The following TLL1 variants were observed in gnomAD, a reference collection of about 807,000 sequenced individuals.
TLL1 encodes tolloid-like protein 1.
A neutral mutation model predicts 128.2 loss-of-function variants in TLL1; 49 were observed. The observed-to-expected ratio is 0.38, with a 90% CI of 0.30 to 0.48. The LOEUF is 0.48. TLL1 is among the 20% of genes least tolerant of loss of function. TLL1 has a pLI of 0.96. For missense variants in TLL1, 1,123 were observed against 1,242.0 expected, an observed-to-expected ratio of 0.90 and a Z score of 1.44; for synonymous variants, 454 against 418.8, an observed-to-expected ratio of 1.08 and a Z score of -1.03.
chr4:166,069,827 TAAG>T (rs1284292776), intron 16 of TLL1, among the ~76,000 whole-genome samples: 54 of 151,738 alleles, frequency 3.6e-4, no homozygotes, highest in Admixed American at 3.6e-3. Context: ...GCTTAAAAAT[TAAG>T]AAGTCATTGG....
intron 1 of TLL1, among the ~76,000 whole-genome samples, chr4:165,982,231 C>T (rs1422809286): frequency 6.6e-6 from 1 of 151,892 alleles, no homozygotes; most frequent in Non-Finnish European, 1.5e-5. Context: ...TAATATTAAA[C>T]ATCATGCATT....
intron 15 of TLL1, among the ~76,000 whole-genome samples, chr4:166,061,295 G>T (rs1191830275): frequency 1.3e-5 from 2 of 149,698 alleles, no homozygotes; most frequent in Non-Finnish European, 3.0e-5. Flanking sequence ...GCCCAGGCTG[G>T]AGTGCAGTGG....
intron 7 of TLL1, among the ~76,000 whole-genome samples, chr4:166,009,334 G>A (rs1052573536): frequency 1.3e-5 from 2 of 151,378 alleles, no homozygotes; most frequent in African/African-American, 2.4e-5. Context: ...ACTAACCTGA[G>A]TTTTGGTTCC....
intron 14 of TLL1, 133 bp from the exon 15 acceptor site, chr4:166,059,895 A>C (rs1276456554): frequency 4.6e-6 from 5 of 1,087,144 alleles, no homozygotes; most frequent in Non-Finnish European, 6.9e-6. Flanking sequence ...AGAGACTGCC[A>C]TTTCTGGATT....
intron 8 of TLL1, among the ~76,000 whole-genome samples, chr4:166,024,846 T>C (rs1738421637): frequency 6.6e-6 from 1 of 152,230 alleles, no homozygotes. Context: ...ATTTTGATAT[T>C]ACCTTTGTTG....
intron 7 of TLL1, among the ~76,000 whole-genome samples, chr4:166,008,435 G>A (rs1030981897): frequency 1.3e-5 from 2 of 151,452 alleles, no homozygotes; most frequent in African/African-American, 2.4e-5. Flanking sequence ...AGGTTATTTA[G>A]CAGTTCTGTT....
At chr4:166,015,111 T>C (rs1460685526) in intron 8 of TLL1, among the ~76,000 whole-genome samples, 2 of 152,024 alleles carry the variant, frequency 1.3e-5, no homozygotes, top group African/African-American at 4.8e-5. Context: ...TGAAACGTCT[T>C]AATGTTCTAA....
At chr4:166,026,224 A>G (rs143023109) in intron 9 of TLL1, among the ~76,000 whole-genome samples, 3,516 of 151,144 alleles carry the variant, frequency 0.023, 134 homozygotes, top group African/African-American at 0.08. Context: ...CCCTGTCTCT[A>G]CTAAAAATAC....
intron 1 of TLL1, among the ~76,000 whole-genome samples, chr4:165,941,699 A>C (rs532971166): frequency 2.0e-5 from 3 of 152,242 alleles, no homozygotes; most frequent in East Asian, 3.9e-4. Flanking sequence ...GTAGGAAATA[A>C]TTGTCTAAAC....
intron 1 of TLL1, among the ~76,000 whole-genome samples, chr4:165,951,315 A>G (rs1162910745): frequency 6.6e-6 from 1 of 152,126 alleles, no homozygotes; most frequent in East Asian, 1.9e-4. Flanking sequence ...AGGAATTCGA[A>G]TGAGAAAAAT....
chr4:166,021,094 G>A (rs901038129), intron 8 of TLL1, among the ~76,000 whole-genome samples: 1 of 152,110 alleles, frequency 6.6e-6, no homozygotes, highest in African/African-American at 2.4e-5. Flanking sequence ...ATGAATTAAA[G>A]CTTCTTTTCA....
At chr4:165,966,616 A>G (rs1215941411) in intron 1 of TLL1, among the ~76,000 whole-genome samples, 1 of 152,034 alleles carries the variant, frequency 6.6e-6, no homozygotes, top group African/African-American at 2.4e-5. Flanking sequence ...AAAAGAGAGA[A>G]ATTTTAAAGC....
At chr4:165,966,449 A>AT (rs150093383) in intron 1 of TLL1, among the ~76,000 whole-genome samples, 6,534 of 152,160 alleles carry the variant, frequency 0.043, 363 homozygotes, top group African/African-American at 0.12. Context: ...AGGAATCAAC[A>AT]TTTTTTTGTA....
At chr4:165,999,597 C>G (rs1579602984) in intron 5 of TLL1, among the ~76,000 whole-genome samples, 1 of 151,832 alleles carries the variant, frequency 6.6e-6, no homozygotes, top group Non-Finnish European at 1.5e-5. Flanking sequence ...GGTTGGGACA[C>G]AGAGTCAAAC....
intron 1 of TLL1, among the ~76,000 whole-genome samples, chr4:165,881,530 C>T (rs553327671): frequency 6.6e-6 from 1 of 152,178 alleles, no homozygotes; most frequent in Non-Finnish European, 1.5e-5. Flanking sequence ...GTTGAGAATG[C>T]CTCTTGCTTT....
intron 9 of TLL1, among the ~76,000 whole-genome samples, chr4:166,033,888 T>C (rs1166384053): frequency 1.3e-5 from 2 of 152,182 alleles, no homozygotes; most frequent in African/African-American, 2.4e-5. Context: ...CAAGGGCAGA[T>C]TGCTTATGTC....
At chr4:165,982,291 C>T (rs2110998335) in intron 1 of TLL1, among the ~76,000 whole-genome samples, 1 of 151,198 alleles carries the variant, frequency 6.6e-6, no homozygotes. Context: ...AGCTGTAAAA[C>T]ATTACAAATA....
intron 4 of TLL1, 59 bp from the exon 5 acceptor site, chr4:165,995,002 G>C: frequency 7.2e-7 from 1 of 1,396,330 alleles, no homozygotes; most frequent in Non-Finnish European, 1.0e-6. Flanking sequence ...AGAGGATGCA[G>C]CAAGAAGCAT....
chr4:165,912,024 C>G (rs1187203060), intron 1 of TLL1, among the ~76,000 whole-genome samples: 1 of 152,028 alleles, frequency 6.6e-6, no homozygotes, highest in Non-Finnish European at 1.5e-5. Flanking sequence ...TACAGGCACC[C>G]GCCACCATGC....
Sources: gnomAD v4.1 joint callset for allele counts (sites outside exome capture counted in the v4.1 genomes callset) on GRCh38, gnomAD v4.1.1 for gene constraint, MANE v1.5 for transcripts, NCBI Gene and HGNC (gene_info 2026-07-23, HGNC 2026-07-21) for gene names.